TSHZ2: variants seen among roughly 807,000 people sequenced by gnomAD.
TSHZ2 encodes teashirt zinc finger homeobox 2, also known as teashirt homolog 2.
TSHZ2 carries 21 observed loss-of-function variants against 74.4 expected under a neutral mutation model. The ratio of observed to expected loss-of-function variants is 0.28; its 90% CI spans 0.20 to 0.41. The LOEUF is 0.41. TSHZ2 is among the 10% of genes least tolerant of loss of function. The probability of loss-of-function intolerance (pLI) is 1.00; values close to 1 mark genes in which losing one functional copy is unlikely to be tolerated. For missense variants in TSHZ2, 1,244 were observed against 1,293.5 expected (o/e 0.96, Z 0.59); for synonymous variants, 540 against 515.3 (o/e 1.05, Z -0.65).
chr20:53,430,400 C>T (rs1295845735), intron 2 of TSHZ2, among the ~76,000 whole-genome samples: 1 of 151,700 alleles, frequency 6.6e-6, no homozygotes, highest in African/African-American at 2.4e-5. Flanking sequence ...CCACTGCACC[C>T]GGCCAAGGAT....
At chr20:53,335,346 T>C (rs1259537139) in intron 2 of TSHZ2, among the ~76,000 whole-genome samples, 3 of 152,204 alleles carry the variant, frequency 2.0e-5, no homozygotes, top group African/African-American at 4.8e-5. Flanking sequence ...TGGTTCTGTA[T>C]GTTTTAAAGG....
intron 2 of TSHZ2, among the ~76,000 whole-genome samples, chr20:53,323,897 C>T (rs1220511848): frequency 6.6e-6 from 1 of 152,070 alleles, no homozygotes; most frequent in Non-Finnish European, 1.5e-5. Context: ...GGCTTTATTA[C>T]ATCCTCTTGA....
At chr20:53,283,895 G>T (rs1488322202) in intron 2 of TSHZ2, among the ~76,000 whole-genome samples, 2 of 152,178 alleles carry the variant, frequency 1.3e-5, no homozygotes, top group African/African-American at 4.8e-5. Flanking sequence ...TGTGACCTGG[G>T]TTTATGAAGA....
chr20:53,218,888 C>T (rs1042765228), intron 1 of TSHZ2, among the ~76,000 whole-genome samples: 2 of 152,060 alleles, frequency 1.3e-5, no homozygotes, highest in South Asian at 2.1e-4. Context: ...TTTTCTACAC[C>T]ATTTTGGAGA....
At chr20:53,124,332 A>T (rs1052846710) in intron 1 of TSHZ2, among the ~76,000 whole-genome samples, 2 of 152,188 alleles carry the variant, frequency 1.3e-5, no homozygotes, top group Non-Finnish European at 2.9e-5. Flanking sequence ...AGTCCCAATC[A>T]CTTGAATCCA....
At chr20:53,058,004 T>C (rs569894554) in intron 1 of TSHZ2, among the ~76,000 whole-genome samples, 74 of 152,060 alleles carry the variant, frequency 4.9e-4, no homozygotes, top group Admixed American at 1.5e-3. Flanking sequence ...GGACTGGAGG[T>C]AGGGGGATGA....
intron 1 of TSHZ2, among the ~76,000 whole-genome samples, chr20:53,232,931 T>C (rs935555003): frequency 2.0e-5 from 3 of 152,220 alleles, no homozygotes; most frequent in Admixed American, 2.0e-4. Flanking sequence ...AATTAAGCCA[T>C]GACACACTGC....
intron 2 of TSHZ2, among the ~76,000 whole-genome samples, chr20:53,468,607 G>T (rs189711259): frequency 7.3e-6 from 1 of 136,206 alleles, no homozygotes; most frequent in Non-Finnish European, 1.5e-5. Context: ...GGGACTTGCC[G>T]TAAAAATTAT....
intron 2 of TSHZ2, among the ~76,000 whole-genome samples, chr20:53,315,716 T>A (rs977252845): frequency 1.3e-5 from 2 of 152,202 alleles, no homozygotes; most frequent in Non-Finnish European, 2.9e-5. Context: ...GTGAACAAGA[T>A]AGACATCACG....
intron 2 of TSHZ2, among the ~76,000 whole-genome samples, chr20:53,325,235 G>C (rs1466775902): frequency 1.3e-5 from 2 of 152,196 alleles, no homozygotes; most frequent in African/African-American, 4.8e-5. Flanking sequence ...TTTTCTTGGA[G>C]CACTGCTCTG....
rs532033394 is a variant in TSHZ2 at position 53,242,122 on chromosome 20, C to A, written c.41-11377C>A. On this transcript the variant is annotated intron_variant, in intron 1 of 2. Transcript: ENST00000371497. The stretch of plus-strand genomic sequence containing the variant: ...TTCCCAAAGCTTTAGCTGACTTTGA[C>A]TTTGCAGCATTTCTAAGCTATTGAC... 2.6e-5 allele frequency among the ~76,000 whole-genome samples: 4 copies of A among 152,272 alleles called. No homozygotes were observed. The Middle Eastern group carries it at 0.014, about 518-fold the overall frequency.
intron 1 of TSHZ2, among the ~76,000 whole-genome samples, chr20:53,131,280 A>G (rs1223946161): frequency 6.6e-6 from 1 of 152,228 alleles, no homozygotes; most frequent in Admixed American, 6.5e-5. Flanking sequence ...AAGAAAAGTA[A>G]TAAATAATGC....
Position 53,441,432 on chromosome 20 carries a change from G to C in TSHZ2, c.*9-45712G>C, listed in dbSNP as rs532227032. On this transcript the variant is annotated intron_variant, in intron 2 of 2. Coordinates refer to ENST00000371497, the MANE Select transcript of TSHZ2 (RefSeq NM_173485.6). Reference sequence around the variant, plus strand: ...AGGCACCCGCCACCAAAACCGGCTAGGTTTTCTTTTTGTTTTGTTTTGTTT... The same window carrying C: ...AGGCACCCGCCACCAAAACCGGCTACGTTTTCTTTTTGTTTTGTTTTGTTT... 1.7e-4 allele frequency among the ~76,000 whole-genome samples: 25 copies of C among 151,490 alleles called. No homozygotes were observed. In the East Asian group the frequency reaches 4.9e-3, roughly 30 times the overall value.
Position 53,489,023 on chromosome 20 carries a change from A to G in TSHZ2, c.*1888A>G, listed in dbSNP as rs1986372520. 8.8e-6 allele frequency: 4 copies of G among 456,238 alleles called. No homozygotes were observed. The highest frequency in any genetic ancestry group is 1.8e-5 in the Non-Finnish European group (4 of 226,962). The allele number at this position is 456,238 out of a possible 1,614,324, so 28.3% of individuals were successfully genotyped here. ...TTCTGAAGTAATGAGGCATGGACAG[A>G]AAATATACCCCTCACATCATCGGAT... On this transcript the variant is annotated 3_prime_UTR_variant, in exon 3 of 3. Coordinates refer to ENST00000371497, the MANE Select transcript of TSHZ2 (RefSeq NM_173485.6).
chr20:53,367,171 G>A (rs1020828980), intron 2 of TSHZ2, among the ~76,000 whole-genome samples: 7 of 151,946 alleles, frequency 4.6e-5, no homozygotes, highest in African/African-American at 1.2e-4. Context: ...TGAGGTGAGC[G>A]GATCACTTGA....
At chr20:53,019,144 C>T (rs918568194) in intron 1 of TSHZ2, among the ~76,000 whole-genome samples, 2 of 152,066 alleles carry the variant, frequency 1.3e-5, no homozygotes, top group African/African-American at 4.8e-5. Flanking sequence ...ACATAGGTTA[C>T]AGGTCATGAA....
chr20:53,062,547 C>T (rs905873863), intron 1 of TSHZ2, among the ~76,000 whole-genome samples: 4 of 152,172 alleles, frequency 2.6e-5, no homozygotes, highest in African/African-American at 9.7e-5. Context: ...ACCTCTGTTA[C>T]CTTTCAACTT....
At chr20:53,474,160 C>T (rs1985918999) in intron 2 of TSHZ2, among the ~76,000 whole-genome samples, 2 of 148,920 alleles carry the variant, frequency 1.3e-5, no homozygotes, top group Admixed American at 6.7e-5. Context: ...CAGAGAACGC[C>T]ACAAAGATAC....
At chr20:53,479,937 T>G (rs184499208) in intron 2 of TSHZ2, among the ~76,000 whole-genome samples, 169 of 152,242 alleles carry the variant, frequency 1.1e-3, no homozygotes, top group African/African-American at 3.9e-3. Context: ...CTTGCAGAGA[T>G]ATTTTCAAAA....
Sources: gnomAD v4.1 joint callset for allele counts (sites outside exome capture counted in the v4.1 genomes callset) on GRCh38, gnomAD v4.1.1 for gene constraint, MANE v1.5 for transcripts, NCBI Gene and HGNC (gene_info 2026-07-23, HGNC 2026-07-21) for gene names.